The following ST8SIA6 variants were observed in gnomAD, a reference collection of about 807,000 sequenced individuals.
ST8SIA6 encodes the protein alpha-2,8-sialyltransferase 8F.
ST8SIA6 carries 39 observed loss-of-function variants against 33.6 expected under a neutral mutation model. That is an observed-to-expected ratio of 1.16 (90% CI 0.90 to 1.52). The LOEUF (loss-of-function observed/expected upper bound fraction) is 1.52, where lower values mean the gene tolerates loss of function less well. ST8SIA6 is among the 40% of genes most tolerant of loss of function. The probability of loss-of-function intolerance (pLI) is 0.00; values close to 1 mark genes in which losing one functional copy is unlikely to be tolerated. For synonymous variants in ST8SIA6, 172 were observed against 167.2 expected, an observed-to-expected ratio of 1.03 and a Z score of -0.22; for missense variants, 441 against 443.8, an observed-to-expected ratio of 0.99 and a Z score of 0.06.
At chr10:17,380,237 T>C (rs1047121333) in intron 3 of ST8SIA6, among the ~76,000 whole-genome samples, 3 of 152,200 alleles carry the variant, frequency 2.0e-5, no homozygotes, top group African/African-American at 2.4e-5. Context: ...GCTTCTAGCA[T>C]GGTAGAGAGC....
chr10:17,432,650 T>C (rs1852137111), intron 2 of ST8SIA6, among the ~76,000 whole-genome samples: 1 of 152,204 alleles, frequency 6.6e-6, no homozygotes, highest in African/African-American at 2.4e-5. Context: ...TCCTGCTTAA[T>C]GGCTCAAGGA....
Position 17,321,245 on chromosome 10 carries a change from G to A in ST8SIA6, c.830C>T (p.Thr277Met), listed in dbSNP as rs748029727. The A allele has an allele frequency of 4.9e-5, 79 of 1,613,808 alleles. No individual in the cohort carries two copies. The Admixed American group carries it at 7.0e-4, about 14-fold the overall frequency. The change falls in exon 8 of 8, where the codon ACG (threonine) becomes ATG (methionine). Residue 277 changes from threonine (T) to methionine (M), a missense_variant. Coordinates refer to ENST00000377602, the MANE Select transcript of ST8SIA6 (RefSeq NM_001004470.3). Reference protein sequence around the residue: ...LLPAFSFRANTGTSFKVYYTL... With the variant: ...LLPAFSFRANMGTSFKVYYTL... The stretch of plus-strand genomic sequence containing the variant: ...GTAGTATACTTTGAAAGAGGTACCC[G>A]TGTTGGCCCTGAAGGAAAATGCTGG...
chr10:17,333,690 T>TAG (rs1848380928), intron 4 of ST8SIA6, among the ~76,000 whole-genome samples: 1 of 39,168 alleles, frequency 2.6e-5, no homozygotes, highest in African/African-American at 1.6e-4. Flanking sequence ...TATATATATA[T>TAG]ATATATATAT....
At chr10:17,440,651 C>G (rs914566326) in intron 2 of ST8SIA6, among the ~76,000 whole-genome samples, 1 of 152,220 alleles carries the variant, frequency 6.6e-6, no homozygotes, top group Non-Finnish European at 1.5e-5. Flanking sequence ...TTATCCTCCT[C>G]TAACCCTACC....
intron 2 of ST8SIA6, among the ~76,000 whole-genome samples, chr10:17,422,205 A>G (rs1434652864): frequency 6.6e-6 from 1 of 152,216 alleles, no homozygotes; most frequent in Non-Finnish European, 1.5e-5. Flanking sequence ...AGAGCAAAAT[A>G]AATTTAAAAA....
At chr10:17,425,321 C>G (rs542421927) in intron 2 of ST8SIA6, among the ~76,000 whole-genome samples, 1 of 152,036 alleles carries the variant, frequency 6.6e-6, no homozygotes, top group Admixed American at 6.6e-5. Flanking sequence ...GTAATTCCAG[C>G]GCTCTGGGAG....
intron 4 of ST8SIA6, among the ~76,000 whole-genome samples, chr10:17,358,744 A>C (rs1284739831): frequency 4.3e-4 from 57 of 133,004 alleles, no homozygotes; most frequent in East Asian, 1.5e-3. Flanking sequence ...AGGAAAAAGG[A>C]GGAGGAGGAG....
chr10:17,424,604 A>T (rs1006983377), intron 2 of ST8SIA6, among the ~76,000 whole-genome samples: 1 of 152,132 alleles, frequency 6.6e-6, no homozygotes, highest in Admixed American at 6.5e-5. Flanking sequence ...GGATATTTCG[A>T]CAGGTCTAAT....
At chr10:17,346,742 G>A (rs1848849848) in intron 4 of ST8SIA6, among the ~76,000 whole-genome samples, 1 of 152,218 alleles carries the variant, frequency 6.6e-6, no homozygotes, top group Admixed American at 6.5e-5. Flanking sequence ...CCAGTTAAGA[G>A]AGAACAATAG....
chr10:17,400,980 C>A (rs1047050707), intron 2 of ST8SIA6, among the ~76,000 whole-genome samples: 9 of 152,260 alleles, frequency 5.9e-5, no homozygotes, highest in South Asian at 4.1e-4. Flanking sequence ...GGAAAAGAGG[C>A]AGTCAAATTG....
At chr10:17,380,985 T>C (rs552006142) in intron 3 of ST8SIA6, among the ~76,000 whole-genome samples, 1 of 140,080 alleles carries the variant, frequency 7.1e-6, no homozygotes, top group Non-Finnish European at 1.6e-5. Context: ...TTTTGAGGGG[T>C]TTTTTTTGTT....
chr10:17,363,978 C>G (rs189493244), intron 3 of ST8SIA6, among the ~76,000 whole-genome samples: 170 of 152,304 alleles, frequency 1.1e-3, no homozygotes, highest in African/African-American at 3.9e-3. Flanking sequence ...CAGAGAGGTT[C>G]TGGGTTATAC....
intron 2 of ST8SIA6, among the ~76,000 whole-genome samples, chr10:17,426,154 C>T (rs1354103698): frequency 6.6e-6 from 1 of 152,192 alleles, no homozygotes; most frequent in Non-Finnish European, 1.5e-5. Flanking sequence ...TGCTTCTTCA[C>T]TCTGTTCCCA....
chr10:17,330,438 T>C (rs141797480), intron 5 of ST8SIA6, among the ~76,000 whole-genome samples: 5 of 152,118 alleles, frequency 3.3e-5, no homozygotes, highest in African/African-American at 7.2e-5. Flanking sequence ...GAAAGCTTTA[T>C]ATTTTTGTCC....
At chr10:17,400,488 C>T (rs748586701) in intron 2 of ST8SIA6, among the ~76,000 whole-genome samples, 8 of 152,260 alleles carry the variant, frequency 5.3e-5, no homozygotes, top group Admixed American at 2.6e-4. Flanking sequence ...GCTGAGATCA[C>T]GCGACTGCAC....
rs1853002849 is a variant in ST8SIA6 at position 17,453,606 on chromosome 10, C to G, written c.153G>C (p.Leu51=). 7.5e-7 allele frequency: 1 copy of G among 1,332,862 alleles called. No homozygotes were observed. Among genetic ancestry groups the G allele is most frequent in the Non-Finnish European group, 9.7e-7 (1 of 1,034,190 alleles). 82.6% of individuals were successfully genotyped at this position (1,332,862 alleles called of 1,614,324 possible). The change falls in exon 2 of 8, where the codon CTG becomes CTC. Residue 51 remains leucine (L), a synonymous_variant. Coordinates refer to ENST00000377602, the MANE Select transcript of ST8SIA6 (RefSeq NM_001004470.3). ...REATHGTPAA[L]RTLRSPATAV... is the part of the protein sequence containing the mutation. The stretch of plus-strand genomic sequence containing the variant: ...CGGTCGCCGGGCTCCGGAGCGTCCT[C>G]AGCGCTGCGGGGGTGCCGTGGGTGG...
chr10:17,343,436 A>G (rs1035396839), intron 4 of ST8SIA6, among the ~76,000 whole-genome samples: 2 of 152,246 alleles, frequency 1.3e-5, no homozygotes, highest in African/African-American at 4.8e-5. Context: ...AAACTATTTA[A>G]TGAGCTCAGA....
chr10:17,432,669 A>G (rs1852137626), intron 2 of ST8SIA6, among the ~76,000 whole-genome samples: 1 of 152,208 alleles, frequency 6.6e-6, no homozygotes, highest in Admixed American at 6.5e-5. Flanking sequence ...GAAACAGATG[A>G]GTGAGACCTG....
At chr10:17,388,133 G>A (rs1411566110) in intron 3 of ST8SIA6, among the ~76,000 whole-genome samples, 2 of 152,192 alleles carry the variant, frequency 1.3e-5, no homozygotes, top group African/African-American at 2.4e-5. Flanking sequence ...AGGTTTCTAG[G>A]TGAGGTCAGT....
Sources: gnomAD v4.1 joint callset for allele counts (sites outside exome capture counted in the v4.1 genomes callset) on GRCh38, gnomAD v4.1.1 for gene constraint, MANE v1.5 for transcripts, NCBI Gene and HGNC (gene_info 2026-07-23, HGNC 2026-07-21) for gene names.